TNFRSF21: variants seen among roughly 807,000 people sequenced by gnomAD.
TNFRSF21 encodes TNF receptor superfamily member 21, also known as tumor necrosis factor receptor superfamily member 21.
In TNFRSF21, 19 loss-of-function variants were observed where a neutral mutation model predicts 45.6. The observed-to-expected ratio is 0.42, with a 90% CI of 0.29 to 0.61. The LOEUF (loss-of-function observed/expected upper bound fraction) is 0.61. TNFRSF21 is among the 20% of genes least tolerant of loss of function. The pLI is 0.23. For synonymous variants in TNFRSF21, 314 were observed against 335.5 expected (o/e 0.94, Z 0.70); for missense variants, 737 against 851.5 (o/e 0.87, Z 1.67).
chr6:47,283,634 AT>A (rs1336104162), intron 3 of TNFRSF21, among the ~76,000 whole-genome samples: 1 of 152,108 alleles, frequency 6.6e-6, no homozygotes, highest in Non-Finnish European at 1.5e-5. Flanking sequence ...CTAAACTCAA[AT>A]TTCTCATTTG....
chr6:47,242,524 A>G (rs1764760366), intron 4 of TNFRSF21, among the ~76,000 whole-genome samples: 1 of 152,170 alleles, frequency 6.6e-6, no homozygotes, highest in Non-Finnish European at 1.5e-5. Context: ...TAAGCAAGAG[A>G]GCTGTGCCTT....
At chr6:47,270,334 C>T (rs1052582148) in intron 3 of TNFRSF21, among the ~76,000 whole-genome samples, 2 of 152,138 alleles carry the variant, frequency 1.3e-5, no homozygotes, top group South Asian at 2.1e-4. Flanking sequence ...CAATATTTGC[C>T]GTTCTGCAAC....
In TNFRSF21 at chr6:47,285,887, G is replaced by C. The variant is rs955268756; in HGVS notation, c.748+57C>G. The C allele has an allele frequency of 3.8e-6, 6 of 1,565,454 alleles. No homozygotes were observed. The African/African-American group carries it at 8.1e-5, about 21-fold the overall frequency. On this transcript the variant is annotated intron_variant, in intron 2 of 5. Coordinates refer to ENST00000296861, the MANE Select transcript of TNFRSF21 (RefSeq NM_014452.5). The stretch of plus-strand genomic sequence containing the variant: ...CATCTTTGGTATAAGCCCACTCTTG[G>C]TACCTCCACTGGGCTCAAAGCCTTC...
rs1054372016 is a variant in TNFRSF21 at position 47,280,311 on chromosome 6, G to A, written c.1243+3627C>T. On this transcript the variant is annotated intron_variant, in intron 3 of 5. Coordinates refer to ENST00000296861, the MANE Select transcript of TNFRSF21 (RefSeq NM_014452.5). The stretch of plus-strand genomic sequence containing the variant: ...GGACCAGGAAAAGATCTTATTATAC[G>A]GGATTATCTGCTGGCCAGAACTCAA... Among the ~76,000 whole-genome samples the A allele has an allele frequency of 6.6e-5, 10 of 152,212 alleles. No homozygotes were observed. The East Asian group carries it at 1.2e-3, about 18-fold the overall frequency.
chr6:47,251,407 A>G (rs1273835802), intron 4 of TNFRSF21, among the ~76,000 whole-genome samples: 1 of 152,224 alleles, frequency 6.6e-6, no homozygotes, highest in East Asian at 1.9e-4. Flanking sequence ...TATAGAAGAG[A>G]TAAGGGGAAG....
intron 4 of TNFRSF21, among the ~76,000 whole-genome samples, chr6:47,249,693 T>C (rs946140387): frequency 2.6e-5 from 4 of 152,318 alleles, no homozygotes; most frequent in Non-Finnish European, 4.4e-5. Context: ...TTAAAATTCA[T>C]GAAAACAAAA....
At chr6:47,293,063 A>G (rs1456860094) in intron 1 of TNFRSF21, among the ~76,000 whole-genome samples, 2 of 152,216 alleles carry the variant, frequency 1.3e-5, no homozygotes, top group African/African-American at 4.8e-5. Flanking sequence ...CTTTAAAACT[A>G]TTCCCAGACA....
chr6:47,309,298 C>T, intron 1 of TNFRSF21, 118 bp downstream of exon 1: 1 of 1,382,446 alleles, frequency 7.2e-7, no homozygotes, highest in Non-Finnish European at 9.4e-7. Context: ...GTGCCCGTAA[C>T]CCAGTCGGCC....
At chr6:47,265,971 T>C (rs555982099) in intron 3 of TNFRSF21, among the ~76,000 whole-genome samples, 1 of 152,364 alleles carries the variant, frequency 6.6e-6, no homozygotes, top group South Asian at 2.1e-4. Context: ...AAAGTTTTCT[T>C]AAGGTATTCC....
At chr6:47,254,048 C>T (rs79437345) in intron 3 of TNFRSF21, among the ~76,000 whole-genome samples, 1 of 152,214 alleles carries the variant, frequency 6.6e-6, no homozygotes, top group African/African-American at 2.4e-5. Context: ...GGGGAACTTT[C>T]ATGTTTTCAC....
chr6:47,262,794 G>A (rs1328393032), intron 3 of TNFRSF21, among the ~76,000 whole-genome samples: 1 of 152,200 alleles, frequency 6.6e-6, no homozygotes, highest in East Asian at 1.9e-4. Flanking sequence ...GGGCCAGGGA[G>A]AGGGACCAAG....
rs376173688 is a variant in TNFRSF21, at chr6:47,250,385, T to C, written c.1509+2871A>G. On this transcript the variant is annotated intron_variant, in intron 4 of 5. Transcript: ENST00000296861. ...GGAAGGCTGGGTTCAGTTTAGATAT[T>C]GAACTTGAAAGAAGAGAGTGCTGAA... Among the ~76,000 whole-genome samples the C allele has an allele frequency of 3.5e-4, 53 of 152,326 alleles. No individual in the cohort carries two copies. In the East Asian group the frequency reaches 6.9e-3, roughly 20 times the overall value.
intron 1 of TNFRSF21, among the ~76,000 whole-genome samples, chr6:47,289,893 C>T (rs1401482741): frequency 6.6e-6 from 1 of 152,040 alleles, no homozygotes; most frequent in Non-Finnish European, 1.5e-5. Context: ...ACTTGGGAGG[C>T]AGAGGTGGGA....
chr6:47,300,643 C>T (rs1313035810), intron 1 of TNFRSF21, among the ~76,000 whole-genome samples: 2 of 152,162 alleles, frequency 1.3e-5, no homozygotes, highest in Non-Finnish European at 2.9e-5. Context: ...GATCCGTTGT[C>T]CCCATTCACT....
chr6:47,281,202 T>C (rs1288379471), intron 3 of TNFRSF21, among the ~76,000 whole-genome samples: 1 of 152,094 alleles, frequency 6.6e-6, no homozygotes, highest in African/African-American at 2.4e-5. Context: ...AACAGTCTTA[T>C]TGTCAGGAAA....
intron 1 of TNFRSF21, among the ~76,000 whole-genome samples, chr6:47,306,276 G>A (rs68082074): frequency 0.049 from 7,420 of 152,266 alleles, 260 homozygotes; most frequent in Non-Finnish European, 0.076. Context: ...TCTCATTCAC[G>A]TTCTGTAACA....
chr6:47,234,645 G>A (rs1365439949), intron 5 of TNFRSF21, 25 bp downstream of exon 5: 3 of 1,573,912 alleles, frequency 1.9e-6, no homozygotes, highest in Non-Finnish European at 2.6e-6. Flanking sequence ...AAGTGCGTGT[G>A]TGAGGTCTGC....
At position 47,231,729 on chromosome 6, in the gene TNFRSF21, T is replaced by TA. The variant is rs915694145; in HGVS notation, c.*1035dup. Reference sequence around the variant, plus strand: ...TGCAAATATATCAGACAAGGGTTCTTACAGTTGCAGCCATTTTTAATTAAA... The same window carrying TA: ...TGCAAATATATCAGACAAGGGTTCTTAACAGTTGCAGCCATTTTTAATTAAA... On this transcript the variant is annotated 3_prime_UTR_variant, in exon 6 of 6. Transcript: ENST00000296861. 6.6e-6 allele frequency: 1 copy of TA among 152,620 alleles called. No homozygotes were observed. Among genetic ancestry groups the TA allele is most frequent in the Admixed American group, 6.5e-5 (1 of 15,270 alleles). The allele number at this position is 152,620 out of a possible 1,614,324, so 9.5% of individuals were successfully genotyped here. A position where few individuals can be genotyped will look rare whatever the true frequency, so the allele number is the denominator to read the frequency against.
intron 3 of TNFRSF21, among the ~76,000 whole-genome samples, chr6:47,279,446 G>A (rs1047004555): frequency 7.9e-5 from 12 of 152,202 alleles, no homozygotes; most frequent in African/African-American, 2.9e-4. Context: ...GCTGTTTGCA[G>A]ATCATTGGTG....
Sources: gnomAD v4.1 joint callset for allele counts (sites outside exome capture counted in the v4.1 genomes callset) on GRCh38, gnomAD v4.1.1 for gene constraint, MANE v1.5 for transcripts, NCBI Gene and HGNC (gene_info 2026-07-23, HGNC 2026-07-21) for gene names.